Variants in NLRP3 observed in about 807,000 individuals in gnomAD.
The protein encoded by NLRP3 is NLR family pyrin domain containing 3, also known as NACHT, LRR and PYD domains-containing protein 3.
NLRP3 carries 48 observed loss-of-function variants against 91.3 expected under a neutral mutation model. The observed-to-expected ratio is 0.53, with a 90% CI of 0.42 to 0.67. The LOEUF (loss-of-function observed/expected upper bound fraction) is 0.67, where lower values mean the gene tolerates loss of function less well. NLRP3 is among the 30% of genes least tolerant of loss of function. NLRP3 has a pLI of 0.00. For synonymous variants in NLRP3, 561 were observed against 507.9 expected (o/e 1.10, Z -1.41); for missense variants, 982 against 1,276.9 (o/e 0.77, Z 3.52).
chr1:247,419,160 A>AT (rs1365819137), intron 2 of NLRP3, 83 bp downstream of exon 2: 50 of 355,096 alleles, frequency 1.4e-4, no homozygotes, highest in Middle Eastern at 8.7e-4. Context: ...ATATATATAT[A>AT]TATATTTTTT....
chr1:247,425,078 C>T lies in NLRP3; in HGVS notation c.1629C>T (p.Asn543=), dbSNP rs376057645. 31 of 1,614,132 alleles carry T rather than the reference C, an allele frequency of 1.9e-5. No individual in the cohort carries two copies. Among genetic ancestry groups the T allele is most frequent in the Middle Eastern group, 1.6e-4 (1 of 6,062 alleles). The part of the protein sequence containing the change: ...LLEEEKEGRT[N]VPGSRLKLPS... ...AAGAGGAAAAGGAAGGAAGGACGAA[C>T]GTTCCAGGGAGTCGTTTGAAGCTTC... The change falls in exon 4 of 10, where the codon AAC becomes AAT. Residue 543 remains asparagine, a synonymous_variant. Transcript: ENST00000336119. This position sits in a 1 kb window ranked among gnomAD's most constrained non-coding sequence, Gnocchi z 4.1.
At chr1:247,430,204 G>A (rs1440182681) in intron 5 of NLRP3, among the ~76,000 whole-genome samples, 11 of 152,180 alleles carry the variant, frequency 7.2e-5, no homozygotes, top group Admixed American at 7.2e-4. Context: ...GTAACAAAGT[G>A]CCACAGACTG....
At position 247,423,364 on chromosome 1, in the gene NLRP3, T is replaced by TAAAATGAAGAAA. The variant is rs751983883; in HGVS notation, c.397+15_397+16insAAAATGAAGAAA. 6.2e-7 allele frequency: 1 copy of TAAAATGAAGAAA among 1,613,542 alleles called. No homozygotes were observed. The highest frequency in any genetic ancestry group is 2.2e-5 in the East Asian group (1 of 44,838). On this transcript the variant is annotated intron_variant, in intron 3 of 9. Coordinates refer to ENST00000336119, the MANE Select transcript of NLRP3 (RefSeq NM_001243133.2). ...AATGAAGAAAGGTAAGCGACTGGGG[T>TAAAATGAAGAAA]GGTGCTTCTAGTTGAGTTTTAAGAC...
rs988439763 is a variant in NLRP3 at position 247,448,649 on chromosome 1, C to T, written c.*145C>T. On this transcript the variant is annotated 3_prime_UTR_variant, in exon 10 of 10. Transcript: ENST00000336119. ...AGTGTCGGAGAAGAGAGCTTGCCGA[C>T]GATGCCTTCCTGTGCAGAGCTTGGG... The T allele has an allele frequency of 3.4e-5, 24 of 700,126 alleles. No homozygotes were observed. The Admixed American group carries it at 4.0e-4, about 12-fold the overall frequency. The allele number at this position is 700,126 out of a possible 1,614,324, so 43.4% of individuals were successfully genotyped here. A position where few individuals can be genotyped will look rare whatever the true frequency, so the allele number is the denominator to read the frequency against.
chr1:247,417,735 C>A (rs1176276332), intron 1 of NLRP3, among the ~76,000 whole-genome samples: 2 of 152,180 alleles, frequency 1.3e-5, no homozygotes, highest in Non-Finnish European at 2.9e-5. Context: ...ATCCGCCCAC[C>A]TCGGCCTCCC....
Position 247,425,736 on chromosome 1 carries a change from T to C in NLRP3, c.2150+137T>C. On this transcript the variant is annotated intron_variant, in intron 4 of 9. Transcript: ENST00000336119. The surrounding 1 kb of genome is among the most constrained non-coding windows in gnomAD (Gnocchi z 4.1). ...TACATCATAATGCCACCACTGTCTG[T>C]TTGAGACTCCTTCATGAGCAAAGAT... 1 of 783,000 alleles carries C rather than the reference T, an allele frequency of 1.3e-6. No individual in the cohort carries two copies. The highest frequency in any genetic ancestry group is 2.1e-5 in the Admixed American group (1 of 48,298). 48.5% of individuals were successfully genotyped at this position (783,000 alleles called of 1,614,324 possible).
rs1156674269 is a variant in NLRP3 at position 247,444,871 on chromosome 1, A to G, written c.3005+50A>G. On this transcript the variant is annotated intron_variant, in intron 9 of 9. Transcript: ENST00000336119. ...CGTGGTGGGACTCTGAGTTCTCAGGAAACGTTGACTGTTATCAAAATCCAG... is the reference window on the plus strand; with the variant it reads ...CGTGGTGGGACTCTGAGTTCTCAGGGAACGTTGACTGTTATCAAAATCCAG... The G allele has an allele frequency of 3.1e-6, 5 of 1,588,518 alleles. No individual in the cohort carries two copies. The South Asian group carries it at 5.6e-5, about 18-fold the overall frequency.
At chr1:247,434,311 C>T (rs772467924) in intron 6 of NLRP3, 38 bp downstream of exon 6, 26 of 1,611,586 alleles carry the variant, frequency 1.6e-5, no homozygotes, top group African/African-American at 1.2e-4. Flanking sequence ...GTTCTGCCAG[C>T]GAGGCGTGCT....
chr1:247,448,562 T>C lies in NLRP3; in HGVS notation c.*58T>C. On this transcript the variant is annotated 3_prime_UTR_variant, in exon 10 of 10. Coordinates refer to ENST00000336119, the MANE Select transcript of NLRP3 (RefSeq NM_001243133.2). ...CTCCGGTCCCTCCAGCTGGGGGCCC[T>C]CAGGTGGAGAGAGCTGCGATCCATC... 3.9e-6 allele frequency: 4 copies of C among 1,020,604 alleles called. No homozygotes were observed. The highest frequency in any genetic ancestry group is 4.7e-6 in the Non-Finnish European group (3 of 638,216). 63.2% of individuals were successfully genotyped at this position (1,020,604 alleles called of 1,614,324 possible).
chr1:247,424,844 G>A lies in NLRP3; in HGVS notation c.1395G>A (p.Trp465Ter). ...AGCACGGCCTCTGCGCCCACCTCTG[G>A]GGGCTCTGCTCTTTGGCTGCAGATG... ...SQEHGLCAHLWGLCSLAADGI... is the reference protein window; with the variant it reads ...SQEHGLCAHL The change falls in exon 4 of 10, where the codon TGG (tryptophan) becomes TGA (stop). Residue 465 changes from tryptophan to a stop codon, truncating the protein, a stop_gained. Coordinates refer to ENST00000336119, the MANE Select transcript of NLRP3 (RefSeq NM_001243133.2). LOFTEE classifies it high-confidence loss of function. The surrounding 1 kb of genome is among the most constrained non-coding windows in gnomAD (Gnocchi z 8.1). 1 of 1,608,120 alleles carries A rather than the reference G, an allele frequency of 6.2e-7. No individual in the cohort carries two copies. The highest frequency in any genetic ancestry group is 8.5e-7 in the Non-Finnish European group (1 of 1,180,004).
rs1278070034 is a variant in NLRP3 at position 247,440,405 on chromosome 1, C to T, written c.2664-3567C>T. On this transcript the variant is annotated intron_variant, in intron 7 of 9. Coordinates refer to ENST00000336119, the MANE Select transcript of NLRP3 (RefSeq NM_001243133.2). ...GCTCTGCTTTCGGTTCCCTCTACCA[C>T]TCATCACTACACCAGAGGGAACTTT... 3.3e-5 allele frequency among the ~76,000 whole-genome samples: 5 copies of T among 152,158 alleles called. No individual in the cohort carries two copies. The East Asian group carries it at 7.7e-4, about 23-fold the overall frequency.
At position 247,436,027 on chromosome 1, in the gene NLRP3, C is replaced by G; in HGVS notation, c.2550C>G (p.Ser850Arg). 6.2e-7 allele frequency: 1 copy of G among 1,614,138 alleles called. No homozygotes were observed. The change falls in exon 7 of 10, where the codon AGC becomes AGG. Residue 850 changes from serine (S) to arginine (R), a missense_variant. By Grantham distance (110) the Ser-to-Arg change is moderately radical (BLOSUM62 -1). Transcript: ENST00000336119. ...GTCAGGATCTTGCATCAGTATTGAG[C>G]ACCAGCCATTCCCTGACCAGACTCT... ...ACCQDLASVL[S>R]TSHSLTRLYV...
chr1:247,434,133 C>G lies in NLRP3; in HGVS notation c.2352C>G (p.Cys784Trp). 6.2e-7 allele frequency: 1 copy of G among 1,614,290 alleles called. No homozygotes were observed. The change falls in exon 6 of 10, where the codon TGC becomes TGG. Residue 784 changes from cysteine to tryptophan, a missense_variant. By Grantham distance (215) the Cys-to-Trp change is radical. Coordinates refer to ENST00000336119, the MANE Select transcript of NLRP3 (RefSeq NM_001243133.2). ...GGCGCTGTGGCCTCTCGCATGAGTG[C>G]TGCTTCGACATCTCCTTGGTCCTCA... ...WLGRCGLSHECCFDISLVLSS... is the reference protein window; with the variant it reads ...WLGRCGLSHEWCFDISLVLSS...
At chr1:247,443,640 G>A (rs1664397421) in intron 7 of NLRP3, among the ~76,000 whole-genome samples, 1 of 152,034 alleles carries the variant, frequency 6.6e-6, no homozygotes, top group East Asian at 1.9e-4. Flanking sequence ...CCACTGGGAT[G>A]TGTTTCTGGA....
chr1:247,435,933 G>T, intron 6 of NLRP3, 37 bp from the exon 7 acceptor site: 2 of 1,607,992 alleles, frequency 1.2e-6, no homozygotes, highest in South Asian at 1.1e-5. Flanking sequence ...GAGCGTGGGT[G>T]AGAGACATGA....
intron 7 of NLRP3, among the ~76,000 whole-genome samples, chr1:247,438,089 C>T (rs1335993835): frequency 7.9e-5 from 12 of 152,204 alleles, no homozygotes; most frequent in African/African-American, 2.2e-4. Context: ...ACAAACAGAG[C>T]GGCCTAAACA....
chr1:247,430,031 T>C lies in NLRP3; in HGVS notation c.2321+276T>C, dbSNP rs570502120. On this transcript the variant is annotated intron_variant, in intron 5 of 9. Transcript: ENST00000336119. ...CTGGGATTACAGGCACCCACCACCA[T>C]ACCCAGCTAATTTTTTGTATTTTTA... Among the ~76,000 whole-genome samples the C allele has an allele frequency of 2.4e-4, 36 of 152,112 alleles. 1 individual carries two copies. The South Asian group carries it at 6.4e-3, about 27-fold the overall frequency.
At chr1:247,448,328 G>C in intron 9 of NLRP3, 77 bp from the exon 10 acceptor site, 1 of 687,962 alleles carries the variant, frequency 1.5e-6, no homozygotes, top group African/African-American at 1.9e-5. Context: ...GAAATGAAGA[G>C]ATGAGACTTT....
chr1:247,426,478 C>T (rs1249984010), intron 4 of NLRP3, among the ~76,000 whole-genome samples: 3 of 152,190 alleles, frequency 2.0e-5, no homozygotes, highest in Non-Finnish European at 4.4e-5. Flanking sequence ...TGAGTTTAGC[C>T]TGGATAGAAG....
Sources: gnomAD v4.1 joint callset for allele counts (sites outside exome capture counted in the v4.1 genomes callset) on GRCh38, gnomAD v4.1.1 for gene constraint, Gnocchi (gnomAD v3.1) non-coding constraint, MANE v1.5 for transcripts, NCBI Gene and HGNC (gene_info 2026-07-23, HGNC 2026-07-21) for gene names.